TGFBR3: variants seen among roughly 807,000 people sequenced by gnomAD.
TGFBR3 encodes the protein transforming growth factor beta receptor 3, also known as transforming growth factor beta receptor type 3.
In TGFBR3, 46 loss-of-function variants were observed where a neutral mutation model predicts 87.9. That is an observed-to-expected ratio of 0.52 (90% CI 0.41 to 0.67). The LOEUF (loss-of-function observed/expected upper bound fraction) is 0.67, where lower values mean the gene tolerates loss of function less well. TGFBR3 is among the 30% of genes least tolerant of loss of function. The pLI, the probability that TGFBR3 is intolerant of heterozygous loss-of-function variation, is 0.00. For missense variants in TGFBR3, 866 were observed against 1,041.9 expected, an observed-to-expected ratio of 0.83 and a Z score of 2.32; for synonymous variants, 381 against 391.6, an observed-to-expected ratio of 0.97 and a Z score of 0.32.
chr1:91,741,071 T>C (rs1351354351), intron 4 of TGFBR3, among the ~76,000 whole-genome samples: 2 of 152,172 alleles, frequency 1.3e-5, no homozygotes, highest in African/African-American at 4.8e-5. Context: ...AGAACACCAA[T>C]TGATGCTGTG....
intron 14 of TGFBR3, 68 bp from the exon 15 acceptor site, chr1:91,698,198 G>C: frequency 7.4e-7 from 1 of 1,352,908 alleles, no homozygotes; most frequent in East Asian, 2.3e-5. Flanking sequence ...GGTCATCAAA[G>C]TCTCAGCAGA....
chr1:91,869,947 T>C (rs917815250), intron 1 of TGFBR3, among the ~76,000 whole-genome samples: 1 of 152,152 alleles, frequency 6.6e-6, no homozygotes, highest in African/African-American at 2.4e-5. Flanking sequence ...TCAAACACAC[T>C]TGTGGAAATC....
intron 6 of TGFBR3, among the ~76,000 whole-genome samples, chr1:91,729,364 A>G (rs1349031199): frequency 6.6e-6 from 1 of 152,082 alleles, no homozygotes; most frequent in East Asian, 1.9e-4. Flanking sequence ...GGACACCACA[A>G]ACAGAGCTTT....
chr1:91,822,103 C>T (rs1676469206), intron 2 of TGFBR3, among the ~76,000 whole-genome samples: 1 of 152,000 alleles, frequency 6.6e-6, no homozygotes, highest in Admixed American at 6.5e-5. Flanking sequence ...AATAGTGTGA[C>T]TTATGTGACC....
intron 3 of TGFBR3, among the ~76,000 whole-genome samples, chr1:91,776,243 C>T (rs1458488849): frequency 6.6e-6 from 1 of 152,224 alleles, no homozygotes; most frequent in Non-Finnish European, 1.5e-5. Context: ...ACTCACTATC[C>T]ACTGTGTTTT....
intron 4 of TGFBR3, among the ~76,000 whole-genome samples, chr1:91,752,387 A>G (rs1181529648): frequency 2.6e-5 from 4 of 152,188 alleles, no homozygotes; most frequent in African/African-American, 9.7e-5. Flanking sequence ...CCACTCAAAC[A>G]TACACACATT....
chr1:91,714,683 T>C (rs1379214322), intron 12 of TGFBR3, among the ~76,000 whole-genome samples: 1 of 152,162 alleles, frequency 6.6e-6, no homozygotes, highest in East Asian at 1.9e-4. Context: ...AAGCCAGGCA[T>C]AGATTTGGAA....
At chr1:91,878,023 T>C (rs1295632286) in intron 1 of TGFBR3, among the ~76,000 whole-genome samples, 1 of 152,246 alleles carries the variant, frequency 6.6e-6, no homozygotes, top group Non-Finnish European at 1.5e-5. Flanking sequence ...GCAAAATGTA[T>C]GTAATGAGTC....
At chr1:91,828,790 T>A (rs898460836) in intron 2 of TGFBR3, among the ~76,000 whole-genome samples, 3 of 117,112 alleles carry the variant, frequency 2.6e-5, no homozygotes, top group Non-Finnish European at 5.3e-5. Context: ...TTACTGTCAC[T>A]GCAGTTCCAG....
At chr1:91,838,125 A>G (rs1677124506) in intron 2 of TGFBR3, among the ~76,000 whole-genome samples, 1 of 152,318 alleles carries the variant, frequency 6.6e-6, no homozygotes, top group East Asian at 1.9e-4. Context: ...GTCCTTCATT[A>G]AATCTTTATT....
chr1:91,890,585 A>G (rs1018381073), upstream of TGFBR3, among the ~76,000 whole-genome samples: 19 of 151,792 alleles, frequency 1.3e-4, no homozygotes, highest in African/African-American at 4.3e-4. Flanking sequence ...ACGCCCTGCT[A>G]ATTTTTGTAT....
chr1:91,852,334 T>C (rs2634030), intron 2 of TGFBR3, among the ~76,000 whole-genome samples: 18,807 of 152,234 alleles, frequency 0.12, 1,497 homozygotes, highest in East Asian at 0.39. Context: ...AGGGAATCTT[T>C]GAGAAATGAA....
At chr1:91,684,252 C>A (rs1267555252) in intron 16 of TGFBR3, among the ~76,000 whole-genome samples, 1 of 152,230 alleles carries the variant, frequency 6.6e-6, no homozygotes, top group Non-Finnish European at 1.5e-5. Context: ...CATAAAGACA[C>A]TGTAGGATTT....
At chr1:91,849,889 T>A (rs2101140197) in intron 2 of TGFBR3, among the ~76,000 whole-genome samples, 1 of 152,052 alleles carries the variant, frequency 6.6e-6, no homozygotes, top group East Asian at 1.9e-4. Flanking sequence ...GAGACCATCC[T>A]GGCTAACACG....
chr1:91,712,654 C>A, intron 12 of TGFBR3, 112 bp from the exon 13 acceptor site: 1 of 925,950 alleles, frequency 1.1e-6, no homozygotes, highest in African/African-American at 1.6e-5. Context: ...GCTTTATCTT[C>A]ATAACATAGT....
At position 91,721,976 on chromosome 1, in the gene TGFBR3, G is replaced by A. The variant is rs1571441379; in HGVS notation, c.1054C>T (p.His352Tyr). 1.9e-6 allele frequency: 3 copies of A among 1,613,032 alleles called. No individual in the cohort carries two copies. The highest frequency in any genetic ancestry group is 2.5e-6 in the Non-Finnish European group (3 of 1,179,532). Residue 352 changes from histidine to tyrosine, a missense_variant, in exon 8 of 17, where the codon CAT (histidine) becomes TAT (tyrosine). His to Tyr is a moderately conservative substitution (Grantham distance 83). Coordinates refer to ENST00000212355, the MANE Select transcript of TGFBR3 (RefSeq NM_003243.5). ...YTMAPVANRFHLRLENNAEEM... is the reference protein window; with the variant it reads ...YTMAPVANRFYLRLENNAEEM... Reference sequence around the variant, plus strand: ...TTACCATTATTTTCAAGCCGAAGATGAAATCTATTAGCCACAGGAGCCATT... The same window carrying A: ...TTACCATTATTTTCAAGCCGAAGATAAAATCTATTAGCCACAGGAGCCATT...
chr1:91,797,505 A>T, intron 2 of TGFBR3, 34 bp from the exon 3 acceptor site: 1 of 1,613,890 alleles, frequency 6.2e-7, no homozygotes, highest in Non-Finnish European at 8.5e-7. Context: ...AGCCACTCAG[A>T]AACAGCAATT....
rs147221400 is a variant in TGFBR3, at chr1:91,883,357, A to T, written c.-114+2521T>A. On this transcript the variant is annotated intron_variant, in intron 1 of 16. Coordinates refer to ENST00000212355, the MANE Select transcript of TGFBR3 (RefSeq NM_003243.5). ...AAAAAAACTATATGTGTGTTTATCT[A>T]TCTGTCCAGCCACCATGGAGTTCTT... Among the ~76,000 whole-genome samples, 62 of 152,330 alleles carry T rather than the reference A, an allele frequency of 4.1e-4. 2 individuals carry two copies. In the East Asian group the frequency reaches 9.4e-3, roughly 23 times the overall value.
At chr1:91,803,202 C>T (rs529357900) in intron 2 of TGFBR3, among the ~76,000 whole-genome samples, 13 of 152,328 alleles carry the variant, frequency 8.5e-5, no homozygotes, top group African/African-American at 2.4e-4. Context: ...CACTTGCTCC[C>T]GTGTTTTGGC....
Sources: allele counts gnomAD v4.1 joint callset (sites outside exome capture counted in the v4.1 genomes callset), GRCh38; gene constraint gnomAD v4.1.1; transcripts MANE v1.5; gene names NCBI Gene and HGNC (gene_info 2026-07-23, HGNC 2026-07-21).